KIAA1549L: variants seen among roughly 807,000 people sequenced by gnomAD.
KIAA1549L encodes the protein KIAA1549 like, also known as UPF0606 protein KIAA1549L.
A neutral mutation model predicts 160.7 loss-of-function variants in KIAA1549L; 88 were observed. That is an observed-to-expected ratio of 0.55 (90% CI 0.46 to 0.65). KIAA1549L has a LOEUF of 0.65. Ranked by LOEUF, KIAA1549L falls within the 30% of genes least tolerant of loss-of-function variation. The probability of loss-of-function intolerance (pLI) is 0.00; values close to 1 mark genes in which losing one functional copy is unlikely to be tolerated. For missense variants in KIAA1549L, 2,258 were observed against 2,437.5 expected (o/e 0.93, Z 1.55); for synonymous variants, 950 against 976.7 (o/e 0.97, Z 0.51).
intron 1 of KIAA1549L, among the ~76,000 whole-genome samples, chr11:33,481,731 A>G (rs551143080): frequency 1.3e-5 from 2 of 152,362 alleles, no homozygotes; most frequent in South Asian, 4.1e-4. Flanking sequence ...AGTCTCTGTT[A>G]TTCCTTATTC....
intron 1 of KIAA1549L, among the ~76,000 whole-genome samples, chr11:33,506,547 G>A (rs1019982594): frequency 6.6e-6 from 1 of 151,922 alleles, no homozygotes. Context: ...GCAACATAGC[G>A]AGACCCTACA....
chr11:33,520,687 AC>A (rs1853466218), intron 1 of KIAA1549L, among the ~76,000 whole-genome samples: 2 of 28,130 alleles, frequency 7.1e-5, no homozygotes, highest in East Asian at 2.0e-3. Flanking sequence ...CACCCCCAAC[AC>A]ACACACACAC....
At chr11:33,388,141 G>A (rs544800854) in intron 1 of KIAA1549L, among the ~76,000 whole-genome samples, 1 of 152,296 alleles carries the variant, frequency 6.6e-6, no homozygotes, top group South Asian at 2.1e-4. Context: ...AACTGCCCGA[G>A]ACTGAGTAAT....
intron 1 of KIAA1549L, among the ~76,000 whole-genome samples, chr11:33,510,269 T>A (rs1187478223): frequency 4.6e-5 from 7 of 152,122 alleles, no homozygotes; most frequent in Non-Finnish European, 1.0e-4. Context: ...TACTGCAACC[T>A]CTACCTCCCG....
rs112995104 is a variant in KIAA1549L at position 33,494,060 on chromosome 11, T to C, written c.239-47742T>C. 2.4e-3 allele frequency among the ~76,000 whole-genome samples: 370 copies of C among 152,322 alleles called. 4 individuals carry two copies. The South Asian group carries it at 0.025, about 10-fold the overall frequency. On this transcript the variant is annotated intron_variant, in intron 1 of 20. Transcript: ENST00000658780. ...GGACCACTGCCAGAGAGGCTGCTTC[T>C]AGAACCTCCAGAACTGCCTTGGTTT...
chr11:33,636,895 CACAT>C, intron 16 of KIAA1549L, among the ~76,000 whole-genome samples: 1 of 152,272 alleles, frequency 6.6e-6, no homozygotes, highest in East Asian at 1.9e-4. Context: ...AACACCCACA[CACAT>C]ACATGTACAG....
rs1034405761 is a variant in KIAA1549L at position 33,668,227 on chromosome 11, T to G, written c.*73T>G. The G allele has an allele frequency of 3.5e-6, 5 of 1,423,410 alleles. No homozygotes were observed. The highest frequency in any genetic ancestry group is 4.8e-6 in the Non-Finnish European group (5 of 1,039,158). 88.2% of individuals were successfully genotyped at this position (1,423,410 alleles called of 1,614,324 possible). On this transcript the variant is annotated 3_prime_UTR_variant, in exon 21 of 21. Transcript: ENST00000658780. ...CCTTTGGGTTTCCCATGCCTACGTG[T>G]TAGGACTTGAGACATAGCAATGGGT...
intron 1 of KIAA1549L, among the ~76,000 whole-genome samples, chr11:33,539,966 G>A (rs1227763955): frequency 6.6e-6 from 1 of 152,194 alleles, no homozygotes; most frequent in Admixed American, 6.5e-5. Context: ...TTTCATAGGA[G>A]CTATCTTGGG....
chr11:33,488,039 T>G (rs1852569462), intron 1 of KIAA1549L, among the ~76,000 whole-genome samples: 2 of 152,248 alleles, frequency 1.3e-5, no homozygotes, highest in South Asian at 4.1e-4. Context: ...ATGGATGTGA[T>G]CTTATTATCT....
intron 17 of KIAA1549L, among the ~76,000 whole-genome samples, chr11:33,654,129 C>A (rs538603396): frequency 6.6e-6 from 1 of 152,068 alleles, no homozygotes; most frequent in Non-Finnish European, 1.5e-5. Flanking sequence ...CGTGCCACCA[C>A]GCCCAGCTAA....
chr11:33,609,354 G>A (rs1850587297), intron 14 of KIAA1549L, among the ~76,000 whole-genome samples: 1 of 152,240 alleles, frequency 6.6e-6, no homozygotes, highest in Admixed American at 6.5e-5. Context: ...GAAGGCCACT[G>A]GGTTCCCCAG....
intron 10 of KIAA1549L, among the ~76,000 whole-genome samples, chr11:33,580,301 C>G (rs975957188): frequency 6.6e-6 from 1 of 152,212 alleles, no homozygotes; most frequent in African/African-American, 2.4e-5. Context: ...TGGCTGGGCG[C>G]AGTGGCTCAC....
intron 15 of KIAA1549L, among the ~76,000 whole-genome samples, chr11:33,616,790 A>G (rs773765572): frequency 2.0e-5 from 3 of 152,304 alleles, no homozygotes; most frequent in Middle Eastern, 3.4e-3. Flanking sequence ...AAGAAATAAT[A>G]CAGTCTCTTC....
rs1232002101 is a variant in KIAA1549L at position 33,542,955 on chromosome 11, A to G, written c.1392A>G (p.Ala464=). 1 of 1,614,076 alleles carries G rather than the reference A, an allele frequency of 6.2e-7. No homozygotes were observed. Among genetic ancestry groups the G allele is most frequent in the East Asian group, 2.2e-5 (1 of 44,888 alleles). Residue 464 remains alanine (A), a synonymous_variant, in exon 2 of 21, where the codon GCA becomes GCG. Coordinates refer to ENST00000658780, the MANE Select transcript of KIAA1549L (RefSeq NM_012194.3). ...PENSRGPALS[A]EHTSSLVPSL... ...ATTCCAGAGGGCCCGCCCTTTCGGCAGAACACACCTCTTCTTTGGTGCCTT... is the reference window on the plus strand; with the variant it reads ...ATTCCAGAGGGCCCGCCCTTTCGGCGGAACACACCTCTTCTTTGGTGCCTT...
chr11:33,561,420 C>T (rs1002651297), intron 7 of KIAA1549L, among the ~76,000 whole-genome samples: 2 of 152,136 alleles, frequency 1.3e-5, no homozygotes, highest in African/African-American at 2.4e-5. Flanking sequence ...CTAAGAATCA[C>T]AAAGCAGGAT....
chr11:33,513,959 T>G (rs1371794024), intron 1 of KIAA1549L, among the ~76,000 whole-genome samples: 1 of 152,234 alleles, frequency 6.6e-6, no homozygotes, highest in Non-Finnish European at 1.5e-5. Context: ...TAGATTATTA[T>G]GCTCCTACCC....
intron 6 of KIAA1549L, among the ~76,000 whole-genome samples, chr11:33,556,199 A>T (rs1040122331): frequency 6.6e-6 from 1 of 152,340 alleles, no homozygotes; most frequent in East Asian, 1.9e-4. Context: ...ACCCTAATGC[A>T]TTGCTAGTGG....
intron 1 of KIAA1549L, among the ~76,000 whole-genome samples, chr11:33,467,762 G>A (rs556785102): frequency 2.6e-5 from 4 of 152,302 alleles, no homozygotes; most frequent in Non-Finnish European, 5.9e-5. Context: ...AGAGTGCAGA[G>A]GAAAAGTAAT....
chr11:33,436,270 T>A (rs1851379282), intron 1 of KIAA1549L, among the ~76,000 whole-genome samples: 1 of 152,146 alleles, frequency 6.6e-6, no homozygotes, highest in African/African-American at 2.4e-5. Context: ...AATAAGGAAC[T>A]GGCTCACGCA....
Sources: allele counts gnomAD v4.1 joint callset (sites outside exome capture counted in the v4.1 genomes callset), GRCh38; gene constraint gnomAD v4.1.1; transcripts MANE v1.5; gene names NCBI Gene and HGNC (gene_info 2026-07-23, HGNC 2026-07-21).